SFI1: variants seen among roughly 807,000 people sequenced by gnomAD.
SFI1 encodes SFI1 centrin binding protein.
In SFI1, 195 loss-of-function variants were observed where a neutral mutation model predicts 207.5. The ratio of observed to expected loss-of-function variants is 0.94; its 90% CI spans 0.84 to 1.06. The LOEUF (loss-of-function observed/expected upper bound fraction) is 1.06. Ranked by LOEUF, SFI1 falls within the 50% of genes least tolerant of loss-of-function variation. SFI1 has a pLI of 0.00. For missense variants in SFI1, 1,634 were observed against 1,588.0 expected, an observed-to-expected ratio of 1.03 and a Z score of -0.49; for synonymous variants, 630 against 598.9, an observed-to-expected ratio of 1.05 and a Z score of -0.76.
At chr22:31,617,185 G>A in intron 31 of SFI1, 107 bp downstream of exon 31, 1 of 1,197,064 alleles carries the variant, frequency 8.4e-7, no homozygotes, top group Admixed American at 2.1e-5. Context: ...GGGTCCTGTA[G>A]GTGGTCTCGG....
At chr22:31,582,416 C>T (rs919302812) in intron 12 of SFI1, among the ~76,000 whole-genome samples, 1 of 149,338 alleles carries the variant, frequency 6.7e-6, no homozygotes, top group African/African-American at 2.5e-5. Context: ...CACGCCTGGC[C>T]AATTTTTGTA....
intron 2 of SFI1, among the ~76,000 whole-genome samples, chr22:31,523,407 G>GA (rs2057509465): frequency 6.6e-6 from 1 of 152,086 alleles, no homozygotes; most frequent in Admixed American, 6.6e-5. Flanking sequence ...AAATCAGGAG[G>GA]AAAAAATCCA....
intron 6 of SFI1, among the ~76,000 whole-genome samples, chr22:31,554,133 C>T (rs904914383): frequency 5.9e-5 from 9 of 151,746 alleles, no homozygotes; most frequent in African/African-American, 1.7e-4. Context: ...CCACTGTGCC[C>T]AGCTGGATTA....
In SFI1 at chr22:31,590,967, A is replaced by G. The variant is rs1354465136; in HGVS notation, c.1544+1390A>G. Among the ~76,000 whole-genome samples, 3 of 144,968 alleles carry G rather than the reference A, an allele frequency of 2.1e-5. No homozygotes were observed. In the East Asian group the frequency reaches 6.0e-4, roughly 29 times the overall value. Reference sequence around the variant, plus strand: ...CTTTTTTCTTTTTATTTATTTATTTATTTATTTATTTATTTTTTTATTGAT... The same window carrying G: ...CTTTTTTCTTTTTATTTATTTATTTGTTTATTTATTTATTTTTTTATTGAT... On this transcript the variant is annotated intron_variant, in intron 15 of 32. Transcript: ENST00000400288.
chr22:31,613,059 G>A (rs2070661618), intron 24 of SFI1, 83 bp from the exon 25 acceptor site: 1 of 1,466,824 alleles, frequency 6.8e-7, no homozygotes, highest in Middle Eastern at 1.8e-4. Context: ...GGAGCCAAGA[G>A]GGACGAGCTG....
intron 10 of SFI1, among the ~76,000 whole-genome samples, chr22:31,576,733 G>A (rs1026906017): frequency 6.0e-5 from 9 of 151,148 alleles, no homozygotes; most frequent in East Asian, 3.9e-4. Context: ...TCTGCCTTCC[G>A]GGTTCAAGCG....
At position 31,611,201 on chromosome 22, in the gene SFI1, G is replaced by A; in HGVS notation, c.2313G>A (p.Gln771=). ...WWDCSRRSAQ[Q]RLQLERAVQH... ...ACTGCAGCCGGAGGTCAGCCCAGCAGAGACTGCAGCTGGAGAGGGCAGTGC... is the reference window on the plus strand; with the variant it reads ...ACTGCAGCCGGAGGTCAGCCCAGCAAAGACTGCAGCTGGAGAGGGCAGTGC... The change falls in exon 23 of 33, where the codon CAG becomes CAA. Residue 771 remains glutamine, a synonymous_variant. Transcript: ENST00000400288. 2 of 1,613,990 alleles carry A rather than the reference G, an allele frequency of 1.2e-6. No individual in the cohort carries two copies. Among genetic ancestry groups the A allele is most frequent in the Non-Finnish European group, 8.5e-7 (1 of 1,180,056 alleles).
At chr22:31,539,533 G>A (rs2059288715) in intron 4 of SFI1, among the ~76,000 whole-genome samples, 1 of 151,886 alleles carries the variant, frequency 6.6e-6, no homozygotes, top group South Asian at 2.1e-4. Flanking sequence ...ATAGTATCCT[G>A]GAGGCTCAAA....
chr22:31,585,171 T>TA, intron 14 of SFI1, 37 bp downstream of exon 14: 1 of 1,553,106 alleles, frequency 6.4e-7, no homozygotes, highest in Non-Finnish European at 8.9e-7. Flanking sequence ...TCTACTGGCT[T>TA]ACATTCTTGG....
chr22:31,540,294 T>G (rs1569253072), intron 4 of SFI1, among the ~76,000 whole-genome samples: 1 of 151,378 alleles, frequency 6.6e-6, no homozygotes, highest in Non-Finnish European at 1.5e-5. Context: ...TTATTTTATT[T>G]TATTTTTGAG....
chr22:31,523,239 A>T (rs2057490457), intron 2 of SFI1, among the ~76,000 whole-genome samples: 1 of 152,166 alleles, frequency 6.6e-6, no homozygotes, highest in African/African-American at 2.4e-5. Flanking sequence ...CAGTAAATAC[A>T]ATGATATTTT....
intron 15 of SFI1, among the ~76,000 whole-genome samples, chr22:31,595,213 G>A (rs1190037125): frequency 1.3e-5 from 2 of 151,868 alleles, no homozygotes; most frequent in African/African-American, 2.4e-5. Context: ...GGCCAGGCTG[G>A]TCTCGAACTC....
intron 18 of SFI1, 95 bp downstream of exon 18, chr22:31,603,914 C>T: frequency 8.8e-7 from 1 of 1,139,306 alleles, no homozygotes; most frequent in Non-Finnish European, 1.2e-6. Context: ...GGCCACACCA[C>T]CTACCTCTGA....
chr22:31,543,261 T>G (rs908801729), intron 4 of SFI1, among the ~76,000 whole-genome samples: 1 of 152,176 alleles, frequency 6.6e-6, no homozygotes, highest in Non-Finnish European at 1.5e-5. Flanking sequence ...TGACCTAATT[T>G]TTTTAAAAAG....
intron 1 of SFI1, among the ~76,000 whole-genome samples, chr22:31,507,504 TTTAGTTTAATTTCTAA>T (rs2054817753): frequency 6.6e-6 from 1 of 152,228 alleles, no homozygotes; most frequent in African/African-American, 2.4e-5. Context: ...AATTGACAAA[TTTAGTTTAATTTCTAA>T]TTAAACTAAA....
chr22:31,615,038 C>T lies in SFI1; in HGVS notation c.3069-10C>T, dbSNP rs1333178913. On this transcript the variant is annotated splice_polypyrimidine_tract_variant and intron_variant, in intron 28 of 32. Coordinates refer to ENST00000400288, the MANE Select transcript of SFI1 (RefSeq NM_001007467.3). ...TGGCCTGACCAGGCTCTTGCCTTCC[C>T]TGTGCTCAGGCCTCAGAAGCCACAG... The T allele has an allele frequency of 2.2e-5, 35 of 1,611,578 alleles. No homozygotes were observed. The highest frequency in any genetic ancestry group is 2.9e-5 in the Non-Finnish European group (34 of 1,179,360).
intron 1 of SFI1, 144 bp from the exon 2 acceptor site, chr22:31,508,111 A>G (rs1311199498): frequency 3.4e-5 from 14 of 417,542 alleles, no homozygotes; most frequent in Non-Finnish European, 5.2e-5. Context: ...TAAATATAAT[A>G]TTTTAAGTCA....
chr22:31,513,087 T>C (rs1190875445), intron 2 of SFI1, among the ~76,000 whole-genome samples: 1 of 152,150 alleles, frequency 6.6e-6, no homozygotes, highest in African/African-American at 2.4e-5. Flanking sequence ...GCCCGGCTGA[T>C]GTTATGATTT....
rs1470805861 is a variant in SFI1 at position 31,613,457 on chromosome 22, C to T, written c.2669C>T (p.Ala890Val). The stretch of plus-strand genomic sequence containing the variant: ...CAGGGGCAGCTCCTCCAGGAGGGTG[C>T]CACGCGGCTCCTGCGCTTTGCAGCC... Reference protein sequence around the residue: ...AYQGQLLQEGATRLLRFAASM... With the variant: ...AYQGQLLQEGVTRLLRFAASM... Residue 890 changes from alanine (A) to valine (V), a missense_variant, in exon 26 of 33, where the codon GCC becomes GTC. Physicochemically the swap from Ala to Val is moderately conservative, Grantham distance 64. Transcript: ENST00000400288. 4 of 1,604,962 alleles carry T rather than the reference C, an allele frequency of 2.5e-6. No individual in the cohort carries two copies. The highest frequency in any genetic ancestry group is 1.1e-5 in the South Asian group (1 of 90,890).
Sources: gnomAD v4.1 joint callset for allele counts (sites outside exome capture counted in the v4.1 genomes callset) on GRCh38, gnomAD v4.1.1 for gene constraint, MANE v1.5 for transcripts, NCBI Gene and HGNC (gene_info 2026-07-23, HGNC 2026-07-21) for gene names.